The following WDR86 variants were observed in gnomAD, a reference collection of about 807,000 sequenced individuals.
WDR86 encodes WD repeat-containing protein 86.
WDR86 carries 30 observed loss-of-function variants against 36.5 expected under a neutral mutation model. That is an observed-to-expected ratio of 0.82 (90% CI 0.61 to 1.11). The LOEUF (loss-of-function observed/expected upper bound fraction) is 1.11. Among genes scored for constraint, WDR86 ranks in the 50% most tolerant of loss-of-function variants. The pLI, the probability that WDR86 is intolerant of heterozygous loss-of-function variation, is 0.00. For synonymous variants in WDR86, 255 were observed against 252.9 expected (o/e 1.01, Z -0.08); for missense variants, 545 against 561.2 (o/e 0.97, Z 0.29).
intron 3 of WDR86, among the ~76,000 whole-genome samples, chr7:151,392,671 C>A (rs1381958433): frequency 6.6e-6 from 1 of 152,206 alleles, no homozygotes; most frequent in Non-Finnish European, 1.5e-5. Flanking sequence ...GGCTCCGGGG[C>A]CACCGGCCGC....
chr7:151,400,347 GT>G lies in WDR86; in HGVS notation c.164-107del, dbSNP rs1800195246. 1.4e-5 allele frequency: 17 copies of G among 1,232,342 alleles called. No homozygotes were observed. The East Asian group carries it at 4.9e-4, about 36-fold the overall frequency. The allele number at this position is 1,232,342 out of a possible 1,614,324, so 76.3% of individuals were successfully genotyped here. ...GGGAAGAAAGCAGGATGTAGGGAGT[GT>G]TTGAGACAAGCTGGAGTCAATTAGC... On this transcript the variant is annotated intron_variant, in intron 1 of 5. Coordinates refer to ENST00000334493, the MANE Select transcript of WDR86 (RefSeq NM_198285.3).
intron 1 of WDR86, among the ~76,000 whole-genome samples, chr7:151,407,585 T>C (rs1448667285): frequency 2.0e-5 from 3 of 152,192 alleles, no homozygotes; most frequent in Admixed American, 1.3e-4. Flanking sequence ...ACACTTGTAA[T>C]CTCAGCACTT....
chr7:151,400,414 A>G (rs921211089), intron 1 of WDR86, among the ~76,000 whole-genome samples, 173 bp from the exon 2 acceptor site: 4 of 151,946 alleles, frequency 2.6e-5, no homozygotes, highest in Non-Finnish European at 5.9e-5. Flanking sequence ...ACAGAGTCTC[A>G]CTCTGTCACA....
chr7:151,407,953 ACCC>A (rs1800843128), intron 1 of WDR86, among the ~76,000 whole-genome samples: 1 of 151,488 alleles, frequency 6.6e-6, no homozygotes, highest in South Asian at 2.1e-4. Context: ...CCACCCCTCT[ACCC>A]CCAAGACAGT....
chr7:151,395,924 G>A lies in WDR86; in HGVS notation c.578C>T (p.Thr193Met), dbSNP rs778854152. 119 of 1,598,046 alleles carry A rather than the reference G, an allele frequency of 7.4e-5. No homozygotes were observed. Among genetic ancestry groups the A allele is most frequent in the African/African-American group, 1.6e-4 (12 of 74,692 alleles). The change falls in exon 3 of 6, where the codon ACG becomes ATG. Residue 193 changes from threonine (T) to methionine (M), a missense_variant. Coordinates refer to ENST00000334493, the MANE Select transcript of WDR86 (RefSeq NM_198285.3). ...TAGCACTAGGCACAGCACTGCACCCGTGTGGCCCCGCAGCGTCTGGTGGCA... is the reference window on the plus strand; with the variant it reads ...TAGCACTAGGCACAGCACTGCACCCATGTGGCCCCGCAGCGTCTGGTGGCA... ...GCCHQTLRGHTGAVLCLVLDT... is the reference protein window; with the variant it reads ...GCCHQTLRGHMGAVLCLVLDT...
chr7:151,381,537 GA>G lies in WDR86; in HGVS notation c.*44del. The G allele has an allele frequency of 7.1e-7, 1 of 1,398,962 alleles. No individual in the cohort carries two copies. Among genetic ancestry groups the G allele is most frequent in the Non-Finnish European group, 9.2e-7 (1 of 1,088,548 alleles). The allele number at this position is 1,398,962 out of a possible 1,614,324, so 86.7% of individuals were successfully genotyped here. Reference sequence around the variant, plus strand: ...CGGGTAGCAGGGCGGGGCGCTCTGGGAGCCGCTGGGTGTCTGGGCTGGCGTC... The same window carrying G: ...CGGGTAGCAGGGCGGGGCGCTCTGGGGCCGCTGGGTGTCTGGGCTGGCGTC... On this transcript the variant is annotated 3_prime_UTR_variant, in exon 6 of 6. Coordinates refer to ENST00000334493, the MANE Select transcript of WDR86 (RefSeq NM_198285.3). The surrounding 1 kb of genome is among the most constrained non-coding windows in gnomAD (Gnocchi z 4.8).
At chr7:151,371,391 C>T (rs1172598125), downstream of WDR86, among the ~76,000 whole-genome samples, 1 of 120,344 alleles carries the variant, frequency 8.3e-6, no homozygotes, top group Non-Finnish European at 1.6e-5. Context: ...TCAGTGTCAT[C>T]CAGTCACAAC....
rs763472753 is a variant in WDR86, at chr7:151,395,882, G to A, written c.620C>T (p.Thr207Met). ...LCLVLDTPGH[T>M]AFTGSTDATI... ...GGCGTCGGTGCTGCCTGTGAAGGCC[G>A]TGTGGCCGGGCGTGTCTAGCACTAG... The change falls in exon 3 of 6, where the codon ACG becomes ATG. Residue 207 changes from threonine (T) to methionine (M), a missense_variant. Coordinates refer to ENST00000334493, the MANE Select transcript of WDR86 (RefSeq NM_198285.3). 5.3e-5 allele frequency: 85 copies of A among 1,601,254 alleles called. No homozygotes were observed. Among genetic ancestry groups the A allele is most frequent in the East Asian group, 6.8e-5 (3 of 44,394 alleles).
At chr7:151,387,495 G>A (rs1799074727) in intron 3 of WDR86, among the ~76,000 whole-genome samples, 2 of 152,160 alleles carry the variant, frequency 1.3e-5, no homozygotes, top group Admixed American at 1.3e-4. Context: ...GACAGGGAGA[G>A]CGGGGTGGCC....
intron 1 of WDR86, among the ~76,000 whole-genome samples, chr7:151,402,711 G>A (rs1800431686): frequency 6.6e-6 from 1 of 151,968 alleles, no homozygotes; most frequent in East Asian, 1.9e-4. Context: ...CAAGAGTGGA[G>A]GGCCATGCCA....
rs1800317049 is a variant in WDR86, at chr7:151,401,846, A to T, written c.164-1605T>A. Among the ~76,000 whole-genome samples, 2 of 151,368 alleles carry T rather than the reference A, an allele frequency of 1.3e-5. No homozygotes were observed. Among genetic ancestry groups the T allele is most frequent in the Admixed American group, 1.3e-4 (2 of 15,178 alleles). Reference sequence around the variant, plus strand: ...GGGTGGATCACAAGGTCAGGAGTTCAAGATCAGCCTGGCTAAGATGGTGAA... The same window carrying T: ...GGGTGGATCACAAGGTCAGGAGTTCTAGATCAGCCTGGCTAAGATGGTGAA... On this transcript the variant is annotated intron_variant, in intron 1 of 5. Transcript: ENST00000334493. This position sits in a 1 kb window ranked among gnomAD's most constrained non-coding sequence, Gnocchi z 4.3.
rs1470961371 is a variant in WDR86, at chr7:151,397,423, G to GTATT, written c.306-1231_306-1228dup. Reference sequence around the variant, plus strand: ...AGATAGGATGATTGTCACAAAACATGTATTTATTTATTTATTTTGAGACGG... The same window carrying GTATT: ...AGATAGGATGATTGTCACAAAACATGTATTTATTTATTTATTTATTTTGAGACGG... On this transcript the variant is annotated intron_variant, in intron 2 of 5. Coordinates refer to ENST00000334493, the MANE Select transcript of WDR86 (RefSeq NM_198285.3). 3.3e-5 allele frequency among the ~76,000 whole-genome samples: 5 copies of GTATT among 152,306 alleles called. No individual in the cohort carries two copies. In the South Asian group the frequency reaches 6.2e-4, roughly 19 times the overall value.
chr7:151,376,455 G>C, downstream of WDR86: 1 of 615,008 alleles, frequency 1.6e-6, no homozygotes, highest in Non-Finnish European at 2.7e-6. Context: ...AGTCTTCCAA[G>C]CCCCCTTCCA....
downstream of WDR86, chr7:151,376,929 G>C (rs2240629): frequency 0.5 from 701,293 of 1,416,258 alleles, 181,584 homozygotes; most frequent in Non-Finnish European, 0.54. Context: ...ACGTCACCGG[G>C]CCGGCCACCT....
At chr7:151,410,119 G>A, upstream of WDR86, 2 of 973,714 alleles carry the variant, frequency 2.1e-6, no homozygotes, top group South Asian at 4.8e-5. Context: ...CCCACCCCGC[G>A]CGCCTGCAGC....
intron 4 of WDR86, among the ~76,000 whole-genome samples, chr7:151,382,295 ATCGTCAGGTCC>A (rs1468750738): frequency 1.3e-5 from 2 of 152,134 alleles, no homozygotes; most frequent in Non-Finnish European, 2.9e-5. Context: ...CCTGGGGATA[ATCGTCAGGTCC>A]TCGAGTCGCT....
At chr7:151,403,986 G>A (rs147147815) in intron 1 of WDR86, among the ~76,000 whole-genome samples, 2 of 152,282 alleles carry the variant, frequency 1.3e-5, no homozygotes, top group Non-Finnish European at 2.9e-5. Flanking sequence ...AAGGTGAAGC[G>A]CAGCAGTGAG....
Position 151,407,050 on chromosome 7 carries a change from G to T in WDR86, c.163+2377C>A, listed in dbSNP as rs181560199. ...CTTTTGCAAGTTGAGCGTATCAGTA[G>T]AATCTCAGGATAAAGAAAGATGACC... On this transcript the variant is annotated intron_variant, in intron 1 of 5. Transcript: ENST00000334493. Among the ~76,000 whole-genome samples the T allele has an allele frequency of 1.6e-3, 241 of 152,312 alleles. 1 individual carries two copies. Among genetic ancestry groups the T allele is most frequent in the Non-Finnish European group, 4.9e-4 (33 of 68,014 alleles).
the WDR86 span, chr7:151,369,256 C>T: frequency 6.4e-6 from 1 of 155,802 alleles, no homozygotes; most frequent in Non-Finnish European, 1.4e-5. Context: ...GATGCGCCCA[C>T]CTCAGTTTCC....
Sources: allele counts gnomAD v4.1 joint callset (sites outside exome capture counted in the v4.1 genomes callset), GRCh38; gene constraint gnomAD v4.1.1; non-coding constraint Gnocchi (gnomAD v3.1); transcripts MANE v1.5; gene names NCBI Gene and HGNC (gene_info 2026-07-23, HGNC 2026-07-21).